PTGFRN: variants seen among roughly 807,000 people sequenced by gnomAD.
The protein encoded by PTGFRN is prostaglandin F2 receptor inhibitor.
Under a neutral mutation model 83.2 loss-of-function variants are expected in PTGFRN, and 35 were observed. The observed-to-expected ratio is 0.42, with a 90% CI of 0.32 to 0.56. The LOEUF (loss-of-function observed/expected upper bound fraction) is 0.56. Among genes scored for constraint, PTGFRN ranks in the 20% least tolerant of loss-of-function variants. PTGFRN has a pLI of 0.11. For missense variants in PTGFRN, 1,051 were observed against 1,179.5 expected (o/e 0.89, Z 1.60); for synonymous variants, 519 against 498.6 (o/e 1.04, Z -0.55).
chr1:116,978,458 A>T (rs1053101609), intron 7 of PTGFRN, among the ~76,000 whole-genome samples: 11 of 152,224 alleles, frequency 7.2e-5, no homozygotes, highest in Non-Finnish European at 8.8e-5. Flanking sequence ...ATGAACATCG[A>T]TGCAAAAATC....
intron 6 of PTGFRN, among the ~76,000 whole-genome samples, chr1:116,969,779 G>A (rs905872046): frequency 2.6e-5 from 4 of 152,110 alleles, no homozygotes; most frequent in African/African-American, 4.8e-5. Context: ...ATGGTGTTTC[G>A]TAGTTTTCAG....
At chr1:116,975,195 T>A (rs1651111612) in intron 7 of PTGFRN, among the ~76,000 whole-genome samples, 1 of 152,208 alleles carries the variant, frequency 6.6e-6, no homozygotes, top group South Asian at 2.1e-4. Flanking sequence ...CCGCCATTGC[T>A]GAGGCTTAAG....
intron 5 of PTGFRN, chr1:116,962,310 T>C (rs1351110883): frequency 6.6e-6 from 1 of 152,236 alleles, no homozygotes; most frequent in East Asian, 1.9e-4. Flanking sequence ...AGTATCTGTG[T>C]AGAGCACTGG....
chr1:116,978,837 A>G (rs1472380226), intron 7 of PTGFRN, among the ~76,000 whole-genome samples: 1 of 151,934 alleles, frequency 6.6e-6, no homozygotes, highest in Non-Finnish European at 1.5e-5. Context: ...CTCTCTCACC[A>G]CTCCTATTCA....
intron 3 of PTGFRN, among the ~76,000 whole-genome samples, chr1:116,947,698 G>A (rs1650236393): frequency 6.6e-6 from 1 of 152,200 alleles, no homozygotes; most frequent in African/African-American, 2.4e-5. Context: ...AGTCCTGGCA[G>A]AGGTGACTCC....
intron 1 of PTGFRN, among the ~76,000 whole-genome samples, chr1:116,911,311 G>A (rs1649267569): frequency 6.6e-6 from 1 of 152,198 alleles, no homozygotes; most frequent in Non-Finnish European, 1.5e-5. Context: ...AGCGCATGAT[G>A]TGCGGTGTCC....
At chr1:116,984,373 C>G (rs563446891) in intron 7 of PTGFRN, among the ~76,000 whole-genome samples, 11 of 152,148 alleles carry the variant, frequency 7.2e-5, no homozygotes, top group Admixed American at 5.9e-4. Flanking sequence ...CCTGTGGCCC[C>G]TTAGTCTGGG....
Position 116,928,808 on chromosome 1 carries a change from C to T in PTGFRN, c.50-12907C>T, listed in dbSNP as rs920582211. Reference sequence around the variant, plus strand: ...GCCTCAAAACTTTTTAATATTTTTACTCCTTTTCTCTGTCTAACCTGAAAA... The same window carrying T: ...GCCTCAAAACTTTTTAATATTTTTATTCCTTTTCTCTGTCTAACCTGAAAA... On this transcript the variant is annotated intron_variant, in intron 1 of 8. Coordinates refer to ENST00000393203, the MANE Select transcript of PTGFRN (RefSeq NM_020440.4). 4.6e-5 allele frequency among the ~76,000 whole-genome samples: 7 copies of T among 152,204 alleles called. No individual in the cohort carries two copies. The East Asian group carries it at 1.2e-3, about 25-fold the overall frequency.
At position 116,956,213 on chromosome 1, in the gene PTGFRN, C is replaced by T. The variant is rs544396934; in HGVS notation, c.1214-5030C>T. On this transcript the variant is annotated intron_variant, in intron 4 of 8. Coordinates refer to ENST00000393203, the MANE Select transcript of PTGFRN (RefSeq NM_020440.4). The stretch of plus-strand genomic sequence containing the variant: ...CTGGTGGATAGCTCAAATGAACCTG[C>T]CCCTCGTAAGTTCACAAGCCAAGAA... Among the ~76,000 whole-genome samples the T allele has an allele frequency of 2.6e-5, 4 of 152,268 alleles. No homozygotes were observed. The East Asian group carries it at 7.7e-4, about 29-fold the overall frequency.
intron 1 of PTGFRN, among the ~76,000 whole-genome samples, chr1:116,920,824 A>G (rs1457841483): frequency 6.6e-6 from 1 of 152,066 alleles, no homozygotes; most frequent in South Asian, 2.1e-4. Context: ...GGGCTTCACC[A>G]TGTTGGCTAG....
chr1:116,955,368 A>T (rs1464255280), intron 4 of PTGFRN, among the ~76,000 whole-genome samples: 1 of 152,202 alleles, frequency 6.6e-6, no homozygotes, highest in Non-Finnish European at 1.5e-5. Flanking sequence ...GAAATTTACA[A>T]ATATTCACAG....
Position 116,941,990 on chromosome 1 carries a change from G to T in PTGFRN, c.325G>T (p.Val109Phe), listed in dbSNP as rs781449023. The change falls in exon 2 of 9, where the codon GTC (valine) becomes TTC (phenylalanine). Residue 109 changes from valine to phenylalanine, a missense_variant. Val to Phe is a conservative substitution (Grantham distance 50). This residue lies in a region of PTGFRN where 127 missense variants were observed against 168.4 expected (regional missense o/e 0.75). Transcript: ENST00000393203. The surrounding 1 kb of genome is among the most constrained non-coding windows in gnomAD (Gnocchi z 5.0). The part of the protein sequence containing the change: ...NDAVELHIKN[V>F]QPSDQGHYKC... ...CGCCGTGGAGCTCCACATAAAGAACGTCCAGCCTTCAGACCAAGGCCACTA... is the reference window on the plus strand; with the variant it reads ...CGCCGTGGAGCTCCACATAAAGAACTTCCAGCCTTCAGACCAAGGCCACTA... The T allele has an allele frequency of 8.7e-6, 14 of 1,614,166 alleles. No individual in the cohort carries two copies. The highest frequency in any genetic ancestry group is 1.2e-5 in the Non-Finnish European group (14 of 1,180,034).
chr1:116,950,835 C>T (rs1017412524), intron 4 of PTGFRN, among the ~76,000 whole-genome samples: 2 of 152,162 alleles, frequency 1.3e-5, no homozygotes, highest in Admixed American at 6.5e-5. Flanking sequence ...GTAAAAGAAG[C>T]GGGGTTTATC....
At chr1:116,935,330 A>G (rs1284087260) in intron 1 of PTGFRN, among the ~76,000 whole-genome samples, 1 of 152,192 alleles carries the variant, frequency 6.6e-6, no homozygotes, top group East Asian at 1.9e-4. Flanking sequence ...ACTTAAAAAT[A>G]GCAAATATCT....
intron 1 of PTGFRN, among the ~76,000 whole-genome samples, chr1:116,934,455 C>T (rs1490461309): frequency 1.3e-5 from 2 of 152,132 alleles, no homozygotes; most frequent in Admixed American, 6.5e-5. Context: ...CTGCTGACTT[C>T]TTCTGTGCTG....
rs1388299622 is a variant in PTGFRN at position 116,967,237 on chromosome 1, A to G, written c.1966A>G (p.Met656Val). 1 of 1,614,220 alleles carries G rather than the reference A, an allele frequency of 6.2e-7. No individual in the cohort carries two copies. The highest frequency in any genetic ancestry group is 8.5e-7 in the Non-Finnish European group (1 of 1,180,042). The change falls in exon 6 of 9, where the codon ATG becomes GTG. Residue 656 changes from methionine to valine, a missense_variant. This residue lies in a region of PTGFRN where 719 missense variants were observed against 836.6 expected (regional missense o/e 0.86). Transcript: ENST00000393203. Reference sequence around the variant, plus strand: ...CTCAGACGCAGGGCTGTACCGCTGCATGGTGACAGCCTGGTCTCCTGTCAG... The same window carrying G: ...CTCAGACGCAGGGCTGTACCGCTGCGTGGTGACAGCCTGGTCTCCTGTCAG... Reference protein sequence around the residue: ...QVSDAGLYRCMVTAWSPVRGS... With the variant: ...QVSDAGLYRCVVTAWSPVRGS...
At chr1:116,927,101 A>G (rs1207176159) in intron 1 of PTGFRN, among the ~76,000 whole-genome samples, 1 of 152,180 alleles carries the variant, frequency 6.6e-6, no homozygotes, top group Non-Finnish European at 1.5e-5. Context: ...AAGCAGAAAG[A>G]GCAAGGACAA....
At position 116,910,386 on chromosome 1, in the gene PTGFRN, G is replaced by C. The variant is rs571096041; in HGVS notation, c.49+134G>C. On this transcript the variant is annotated intron_variant, in intron 1 of 8. Transcript: ENST00000393203. ...TGCTCCCGGGAAACCCGGCCGGGGT[G>C]CGCGGGTTGTTCGGCCCGGCGGGGA... 308 of 795,924 alleles carry C rather than the reference G, an allele frequency of 3.9e-4. 1 individual carries two copies. Among genetic ancestry groups the C allele is most frequent in the Non-Finnish European group, 4.8e-4 (294 of 618,796 alleles). 49.3% of individuals were successfully genotyped at this position (795,924 alleles called of 1,614,324 possible).
chr1:116,965,709 T>TA (rs1450842795), intron 5 of PTGFRN, among the ~76,000 whole-genome samples: 1 of 152,236 alleles, frequency 6.6e-6, no homozygotes, highest in Non-Finnish European at 1.5e-5. Context: ...GGCTGCTTAT[T>TA]ATCTCTTAAA....
Sources: gnomAD v4.1 joint callset for allele counts (sites outside exome capture counted in the v4.1 genomes callset) on GRCh38, gnomAD v4.1.1 for gene constraint, gnomAD v4.1.1 regional missense constraint, Gnocchi (gnomAD v3.1) non-coding constraint, MANE v1.5 for transcripts, NCBI Gene and HGNC (gene_info 2026-07-23, HGNC 2026-07-21) for gene names.